Variants in DDX42 observed in about 807,000 individuals in gnomAD.
The protein encoded by DDX42 is ATP-dependent RNA helicase DDX42.
Under a neutral mutation model 101.5 loss-of-function variants are expected in DDX42, and 22 were observed. The ratio of observed to expected loss-of-function variants is 0.22; its 90% confidence interval spans 0.15 to 0.31. DDX42 has a LOEUF of 0.31. Among genes scored for constraint, DDX42 ranks in the 10% least tolerant of loss-of-function variants. The pLI is 1.00. For synonymous variants in DDX42, 402 were observed against 401.2 expected, an observed-to-expected ratio of 1.00 and a Z score of -0.02; for missense variants, 849 against 1,199.9, an observed-to-expected ratio of 0.71 and a Z score of 4.32.
At position 63,797,858 on chromosome 17, in the gene DDX42, A is replaced by G. The variant is rs148106699; in HGVS notation, c.373-180A>G. Among the ~76,000 whole-genome samples, 403 of 152,332 alleles carry G rather than the reference A, an allele frequency of 2.6e-3. 2 individuals are homozygous for G. Among genetic ancestry groups the G allele is most frequent in the African/African-American group, 9.3e-3 (388 of 41,580 alleles). ...AAATTGTGCAGTCCATATACAGCCAATTTATACAGCATTTAGTTATTTCTC... is the reference window on the plus strand; with the variant it reads ...AAATTGTGCAGTCCATATACAGCCAGTTTATACAGCATTTAGTTATTTCTC... On this transcript the variant is annotated intron_variant, in intron 3 of 17. Transcript: ENST00000389924.
Position 63,784,156 on chromosome 17 carries a change from A to G in DDX42, c.-16-2878A>G, listed in dbSNP as rs144750876. On this transcript the variant is annotated intron_variant, in intron 1 of 17. Coordinates refer to ENST00000389924, the MANE Select transcript of DDX42 (RefSeq NM_203499.3). ...CAGTTGAACAAAACCTATGAAGTAT[A>G]TATAGACAAGGGGTATAGAACAGTG... is the stretch of plus-strand genomic sequence containing the variant. Among the ~76,000 whole-genome samples, 67 of 152,322 alleles carry G rather than the reference A, an allele frequency of 4.4e-4. 1 individual carries two copies. In the East Asian group the frequency reaches 0.012, roughly 28 times the overall value.
intron 16 of DDX42, 164 bp from the exon 17 acceptor site, chr17:63,816,704 A>C (rs2039980694): frequency 2.2e-6 from 1 of 459,658 alleles, no homozygotes; most frequent in Non-Finnish European, 3.8e-6. Context: ...AGCATTTTTA[A>C]ATGATTGTCA....
At chr17:63,817,087 A>G (rs2039985920) in intron 17 of DDX42, 121 bp downstream of exon 17, 1 of 719,830 alleles carries the variant, frequency 1.4e-6, no homozygotes, top group African/African-American at 1.8e-5. Context: ...TAGGGTCTTC[A>G]CGCTGCTTGG....
chr17:63,818,122 A>C lies in DDX42; in HGVS notation c.2541A>C (p.Pro847=). Residue 847 remains proline, a synonymous_variant, in exon 18 of 18, where the codon CCA becomes CCC. Coordinates refer to ENST00000389924, the MANE Select transcript of DDX42 (RefSeq NM_203499.3). ...GCCATGGAGATGGATACCGCCATCC[A>C]GAAAGCAGCAGCCGTCATACTGATG... is the stretch of plus-strand genomic sequence containing the variant. ...GGRHGDGYRH[P]ESSSRHTDGH... 1.9e-6 allele frequency: 3 copies of C among 1,613,994 alleles called. No homozygotes were observed. The highest frequency in any genetic ancestry group is 2.5e-6 in the Non-Finnish European group (3 of 1,180,012).
intron 15 of DDX42, among the ~76,000 whole-genome samples, chr17:63,815,323 A>AG (rs2039963584): frequency 2.0e-5 from 3 of 152,186 alleles, no homozygotes; most frequent in African/African-American, 7.2e-5. Flanking sequence ...GAGAGCCTTG[A>AG]GGGAGGGAGC....
intron 3 of DDX42, among the ~76,000 whole-genome samples, chr17:63,796,191 A>T (rs1385667878): frequency 6.6e-6 from 1 of 152,232 alleles, no homozygotes; most frequent in East Asian, 1.9e-4. Flanking sequence ...GTGATGAATT[A>T]AAAGAAAAAT....
intron 6 of DDX42, among the ~76,000 whole-genome samples, chr17:63,803,865 G>T (rs538437466): frequency 3.3e-5 from 5 of 151,926 alleles, no homozygotes; most frequent in African/African-American, 1.2e-4. Flanking sequence ...GGCCAGGCTG[G>T]TCTTGAACTC....
rs1428447710 is a variant in DDX42, at chr17:63,810,506, C to G, written c.1253-7C>G. 7 of 1,613,712 alleles carry G rather than the reference C, an allele frequency of 4.3e-6. No individual in the cohort carries two copies. In the Admixed American group the frequency reaches 1.0e-4, roughly 23 times the overall value. On this transcript the variant is annotated splice_region_variant and splice_polypyrimidine_tract_variant and intron_variant, in intron 11 of 17. Coordinates refer to ENST00000389924, the MANE Select transcript of DDX42 (RefSeq NM_203499.3). Reference sequence around the variant, plus strand: ...TTATAATAATTTTATTGTTCTGTTTCTTGCAGAGTACCAAGTTCGATCCAT... The same window carrying G: ...TTATAATAATTTTATTGTTCTGTTTGTTGCAGAGTACCAAGTTCGATCCAT...
At chr17:63,793,856 TTATATATA>T (rs138103837) in intron 3 of DDX42, among the ~76,000 whole-genome samples, 1 of 70,684 alleles carries the variant, frequency 1.4e-5, no homozygotes, top group Non-Finnish European at 2.8e-5. Flanking sequence ...GCAGAAAAAT[TTATATATA>T]TATATATATA....
intron 1 of DDX42, chr17:63,775,122 C>T (rs1214666298): frequency 6.6e-6 from 1 of 152,610 alleles, no homozygotes; most frequent in Non-Finnish European, 1.5e-5. Flanking sequence ...TCCTCAAGCG[C>T]AGGGACTATG....
At chr17:63,795,153 C>T (rs966519341) in intron 3 of DDX42, among the ~76,000 whole-genome samples, 2 of 152,046 alleles carry the variant, frequency 1.3e-5, no homozygotes, top group Non-Finnish European at 2.9e-5. Context: ...TCTAATAGTT[C>T]AGACTGTTGA....
chr17:63,784,976 T>G (rs529205014), intron 1 of DDX42, among the ~76,000 whole-genome samples: 13 of 152,304 alleles, frequency 8.5e-5, no homozygotes, highest in Non-Finnish European at 1.6e-4. Flanking sequence ...CAGTATATCA[T>G]TAGGTGAAGA....
chr17:63,809,679 T>A lies in DDX42; in HGVS notation c.1252+20T>A, dbSNP rs772172034. ...GATTTGGTATGCCTTGAATACCAGTTTCTTCTGTCCCCATCCTCATGATAC... is the reference window on the plus strand; with the variant it reads ...GATTTGGTATGCCTTGAATACCAGTATCTTCTGTCCCCATCCTCATGATAC... On this transcript the variant is annotated intron_variant, in intron 11 of 17. Coordinates refer to ENST00000389924, the MANE Select transcript of DDX42 (RefSeq NM_203499.3). 6.3e-7 allele frequency: 1 copy of A among 1,592,272 alleles called. No homozygotes were observed. The highest frequency in any genetic ancestry group is 8.6e-7 in the Non-Finnish European group (1 of 1,160,008).
chr17:63,777,830 G>A lies in DDX42; in HGVS notation c.-17+3454G>A, dbSNP rs562742711. 6.8e-4 allele frequency among the ~76,000 whole-genome samples: 103 copies of A among 152,254 alleles called. 1 individual carries two copies. The South Asian group carries it at 0.021, about 31-fold the overall frequency. On this transcript the variant is annotated intron_variant, in intron 1 of 17. Coordinates refer to ENST00000389924, the MANE Select transcript of DDX42 (RefSeq NM_203499.3). ...GATATGCTTTGAAGGATAGGACTTT[G>A]GTAGGTACTCACAGTTTATAGGAAA... is the stretch of plus-strand genomic sequence containing the variant.
chr17:63,809,171 A>G (rs1396476984), intron 10 of DDX42, among the ~76,000 whole-genome samples: 2 of 152,200 alleles, frequency 1.3e-5, no homozygotes, highest in Non-Finnish European at 2.9e-5. Context: ...TCTATGTCAA[A>G]TAGTTTTTCT....
At chr17:63,781,302 C>CT (rs2039485140) in intron 1 of DDX42, among the ~76,000 whole-genome samples, 1 of 152,152 alleles carries the variant, frequency 6.6e-6, no homozygotes, top group African/African-American at 2.4e-5. Flanking sequence ...ACCGCAAGCT[C>CT]TACCTCCCAG....
chr17:63,788,117 C>T (rs947467331), intron 2 of DDX42, among the ~76,000 whole-genome samples: 6 of 151,758 alleles, frequency 4.0e-5, no homozygotes, highest in Non-Finnish European at 7.4e-5. Flanking sequence ...GTTGGCCAGG[C>T]TGGTCTCAAA....
At chr17:63,802,681 C>T (rs1249365294) in intron 6 of DDX42, among the ~76,000 whole-genome samples, 1 of 151,894 alleles carries the variant, frequency 6.6e-6, no homozygotes, top group Non-Finnish European at 1.5e-5. Flanking sequence ...GAGGCCGAGG[C>T]GGGTGGATCA....
intron 3 of DDX42, 116 bp downstream of exon 3, chr17:63,792,678 G>A: frequency 9.6e-7 from 1 of 1,038,386 alleles, no homozygotes; most frequent in Non-Finnish European, 1.3e-6. Context: ...TTTTTTTTTT[G>A]AGAATTTTGC....
Sources: gnomAD v4.1 joint callset for allele counts (sites outside exome capture counted in the v4.1 genomes callset) on GRCh38, gnomAD v4.1.1 for gene constraint, MANE v1.5 for transcripts, NCBI Gene and HGNC (gene_info 2026-07-23, HGNC 2026-07-21) for gene names.